The following C12orf56 variants were observed in gnomAD, a reference collection of about 807,000 sequenced individuals.
The protein encoded by C12orf56 is uncharacterized protein C12orf56.
C12orf56 carries 71 observed loss-of-function variants against 69.9 expected under a neutral mutation model. The ratio of observed to expected loss-of-function variants is 1.02; its 90% CI spans 0.84 to 1.24. C12orf56 has a LOEUF of 1.24. C12orf56 is among the 50% of genes most tolerant of loss of function. The probability of loss-of-function intolerance (pLI) is 0.00; values close to 1 mark genes in which losing one functional copy is unlikely to be tolerated. For synonymous variants in C12orf56, 276 were observed against 274.1 expected (o/e 1.01, Z -0.07); for missense variants, 732 against 738.5 (o/e 0.99, Z 0.10).
chr12:64,275,606 G>C (rs2038041026), intron 9 of C12orf56, among the ~76,000 whole-genome samples: 1 of 152,084 alleles, frequency 6.6e-6, no homozygotes, highest in East Asian at 1.9e-4. Flanking sequence ...GGGACTACAG[G>C]TGCAAGCTAC....
At chr12:64,293,732 ATAT>A (rs1365545559) in intron 6 of C12orf56, among the ~76,000 whole-genome samples, 6 of 152,216 alleles carry the variant, frequency 3.9e-5, no homozygotes, top group Non-Finnish European at 7.3e-5. Context: ...AATCTCAAAA[ATAT>A]TATGCCAAAA....
chr12:64,325,452 C>T (rs897871715), intron 3 of C12orf56, among the ~76,000 whole-genome samples: 2 of 152,204 alleles, frequency 1.3e-5, no homozygotes, highest in African/African-American at 4.8e-5. Flanking sequence ...ATTCAAGCCC[C>T]TACAGTCTAT....
At chr12:64,341,357 T>C (rs1030221751) in intron 2 of C12orf56, among the ~76,000 whole-genome samples, 1 of 152,230 alleles carries the variant, frequency 6.6e-6, no homozygotes, top group East Asian at 1.9e-4. Context: ...AACAGCACCA[T>C]ATTGGATGCT....
At chr12:64,285,471 A>G (rs1395020762) in intron 7 of C12orf56, among the ~76,000 whole-genome samples, 1 of 152,210 alleles carries the variant, frequency 6.6e-6, no homozygotes, top group East Asian at 1.9e-4. Context: ...AAATTAGAAC[A>G]AAATGAGTTC....
Position 64,352,995 on chromosome 12 carries a change from A to T in C12orf56, c.314T>A (p.Ile105Asn). 6.2e-7 allele frequency: 1 copy of T among 1,612,842 alleles called. No homozygotes were observed. The highest frequency in any genetic ancestry group is 8.5e-7 in the Non-Finnish European group (1 of 1,179,636). The change falls in exon 2 of 13, where the codon ATC becomes AAC. Residue 105 changes from isoleucine (I) to asparagine (N), a missense_variant. Coordinates refer to ENST00000543942, the MANE Select transcript of C12orf56 (RefSeq NM_001170633.2). Reference sequence around the variant, plus strand: ...TTTCAAAACGGTTGAAGAATAGATGATACGAATGTGTTGGCTGATTTCTCT... The same window carrying T: ...TTTCAAAACGGTTGAAGAATAGATGTTACGAATGTGTTGGCTGATTTCTCT... ...PDREISQHIR[I>N]IYSSTVLKKE...
intron 1 of C12orf56, among the ~76,000 whole-genome samples, chr12:64,361,044 A>T (rs1054135024): frequency 6.6e-6 from 1 of 151,972 alleles, no homozygotes; most frequent in Non-Finnish European, 1.5e-5. Context: ...ATGTGGTGAA[A>T]CTGGTCTCTA....
intron 1 of C12orf56, among the ~76,000 whole-genome samples, chr12:64,372,089 A>C (rs1392443557): frequency 6.6e-6 from 1 of 151,934 alleles, no homozygotes; most frequent in Non-Finnish European, 1.5e-5. Context: ...CCACTTACAC[A>C]GTACTTTCTC....
intron 6 of C12orf56, among the ~76,000 whole-genome samples, chr12:64,302,471 T>A (rs1030690188): frequency 6.6e-6 from 1 of 152,194 alleles, no homozygotes; most frequent in Non-Finnish European, 1.5e-5. Flanking sequence ...TAGAAGCTAA[T>A]AAATAGCCAG....
intron 3 of C12orf56, among the ~76,000 whole-genome samples, chr12:64,327,003 T>C (rs1025709331): frequency 1.3e-5 from 2 of 152,182 alleles, no homozygotes; most frequent in African/African-American, 4.8e-5. Flanking sequence ...TAATGTGTTA[T>C]CATGGGAATG....
In C12orf56 at chr12:64,267,128, T is replaced by C. The variant is rs1202455535; in HGVS notation, c.*55A>G. ...AAAAATGTTTCTCGTGAATATCAAGTTGACTCTTGATTAACATTTTATACT... is the reference window on the plus strand; with the variant it reads ...AAAAATGTTTCTCGTGAATATCAAGCTGACTCTTGATTAACATTTTATACT... On this transcript the variant is annotated 3_prime_UTR_variant, in exon 13 of 13. Transcript: ENST00000543942. 2 of 1,265,212 alleles carry C rather than the reference T, an allele frequency of 1.6e-6. No homozygotes were observed. The highest frequency in any genetic ancestry group is 5.1e-5 in the East Asian group (2 of 39,330). 78.4% of individuals were successfully genotyped at this position (1,265,212 alleles called of 1,614,324 possible).
intron 2 of C12orf56, 67 bp from the exon 3 acceptor site, chr12:64,331,099 G>A (rs1484937397): frequency 7.7e-7 from 1 of 1,301,296 alleles, no homozygotes; most frequent in African/African-American, 1.5e-5. Context: ...AGAAGACCTA[G>A]TCTCATGTAC....
Position 64,266,496 on chromosome 12 carries a change from G to T in C12orf56, c.*687C>A. 2 of 267,350 alleles carry T rather than the reference G, an allele frequency of 7.5e-6. No homozygotes were observed. The highest frequency in any genetic ancestry group is 1.5e-4 in the South Asian group (2 of 12,918). The allele number at this position is 267,350 out of a possible 1,614,324, so 16.6% of individuals were successfully genotyped here. ...AGGCGTGGCTGGCGGATGAGATCTT[G>T]AGTGAGTGACCTTAGGCCCAGACCA... On this transcript the variant is annotated 3_prime_UTR_variant, in exon 13 of 13. Transcript: ENST00000543942.
Position 64,287,258 on chromosome 12 carries a change from A to AGAAGAAG in C12orf56, c.1114-1199_1114-1198insCTTCTTC, listed in dbSNP as rs566773723. Among the ~76,000 whole-genome samples, 44 of 132,276 alleles carry AGAAGAAG rather than the reference A, an allele frequency of 3.3e-4. No homozygotes were observed. The South Asian group carries it at 7.3e-3, about 22-fold the overall frequency. The allele number at this position is 132,276 out of a possible 152,430, so 86.8% of individuals were successfully genotyped here. ...GAGACTCCATCAAAAAAAAAAAAAA[A>AGAAGAAG]AAAAAGAAGAAGAAGAAGAAGAAGA... On this transcript the variant is annotated intron_variant, in intron 6 of 12. Coordinates refer to ENST00000543942, the MANE Select transcript of C12orf56 (RefSeq NM_001170633.2).
At chr12:64,296,732 C>A (rs79199354) in intron 6 of C12orf56, among the ~76,000 whole-genome samples, 1 of 152,150 alleles carries the variant, frequency 6.6e-6, no homozygotes, top group South Asian at 2.1e-4. Flanking sequence ...AGAAACTAAT[C>A]CCCAATGCAA....
intron 6 of C12orf56, among the ~76,000 whole-genome samples, chr12:64,302,122 A>T (rs528809297): frequency 2.6e-5 from 4 of 152,114 alleles, no homozygotes; most frequent in African/African-American, 9.7e-5. Flanking sequence ...CATGAATTCC[A>T]TTTCATCTTC....
rs551542508 is a variant in C12orf56 at position 64,333,967 on chromosome 12, A to C, written c.416-2935T>G. 3.3e-5 allele frequency among the ~76,000 whole-genome samples: 5 copies of C among 152,312 alleles called. No individual in the cohort carries two copies. In the South Asian group the frequency reaches 1.0e-3, roughly 32 times the overall value. ...GTCTGGCAGGTGTAAGGCAATAATG[A>C]CAAAAGAGCCTGAGTGTAGTGTCAT... On this transcript the variant is annotated intron_variant, in intron 2 of 12. Coordinates refer to ENST00000543942, the MANE Select transcript of C12orf56 (RefSeq NM_001170633.2).
chr12:64,352,342 C>G (rs1322172625), intron 2 of C12orf56: 3 of 152,290 alleles, frequency 2.0e-5, no homozygotes, highest in Non-Finnish European at 4.4e-5. Flanking sequence ...CTGAGACAGG[C>G]CTCTGAGGGA....
chr12:64,269,139 C>A (rs1284218535), intron 12 of C12orf56, among the ~76,000 whole-genome samples: 145 of 141,978 alleles, frequency 1.0e-3, no homozygotes, highest in Middle Eastern at 3.6e-3. Flanking sequence ...GACCCTGTGT[C>A]AAAAAAAAAA....
intron 11 of C12orf56, among the ~76,000 whole-genome samples, chr12:64,274,564 C>T (rs951467973): frequency 2.0e-5 from 3 of 152,030 alleles, no homozygotes; most frequent in African/African-American, 2.4e-5. Context: ...CACAAATGAT[C>T]CCAAGTGTTA....
Sources: allele counts gnomAD v4.1 joint callset (sites outside exome capture counted in the v4.1 genomes callset), GRCh38; gene constraint gnomAD v4.1.1; transcripts MANE v1.5; gene names NCBI Gene and HGNC (gene_info 2026-07-23, HGNC 2026-07-21).